The following ANO5 variants were observed in gnomAD, a reference collection of about 807,000 sequenced individuals.
ANO5 encodes anoctamin-5.
A neutral mutation model predicts 121.0 loss-of-function variants in ANO5; 109 were observed. The observed-to-expected ratio is 0.90, with a 90% CI of 0.77 to 1.06. The LOEUF (loss-of-function observed/expected upper bound fraction) is 1.06, where lower values mean the gene tolerates loss of function less well. Ranked by LOEUF, ANO5 falls within the 50% of genes least tolerant of loss-of-function variation. The pLI is 0.00. For synonymous variants in ANO5, 406 were observed against 359.9 expected, an observed-to-expected ratio of 1.13 and a Z score of -1.45; for missense variants, 1,064 against 1,078.5, an observed-to-expected ratio of 0.99 and a Z score of 0.19.
intron 18 of ANO5, among the ~76,000 whole-genome samples, chr11:22,271,057 T>C (rs1854592985): frequency 6.6e-6 from 1 of 151,796 alleles, no homozygotes. Flanking sequence ...CTCGCAGAAT[T>C]AAGGAAACTG....
chr11:22,279,649 C>G lies in ANO5; in HGVS notation c.2626C>G (p.Leu876Val), dbSNP rs1488939653. 6.2e-7 allele frequency: 1 copy of G among 1,612,490 alleles called. No individual in the cohort carries two copies. Among genetic ancestry groups the G allele is most frequent in the Non-Finnish European group, 8.5e-7 (1 of 1,178,942 alleles). Reference protein sequence around the residue: ...KREKLMTIKILHDFELNKLKE... With the variant: ...KREKLMTIKIVHDFELNKLKE... ...AGAAAAGTTAATGACTATCAAGATTCTCCATGATTTTGAGCTCAACAAATT... is the reference window on the plus strand; with the variant it reads ...AGAAAAGTTAATGACTATCAAGATTGTCCATGATTTTGAGCTCAACAAATT... Residue 876 changes from leucine to valine, a missense_variant, in exon 22 of 22, where the codon CTC becomes GTC. Physicochemically the swap from Leu to Val is conservative, Grantham distance 32 (BLOSUM62 1). Coordinates refer to ENST00000324559, the MANE Select transcript of ANO5 (RefSeq NM_213599.3).
chr11:22,259,404 A>G (rs1394821468), intron 14 of ANO5, 115 bp from the exon 15 acceptor site: 5 of 1,117,136 alleles, frequency 4.5e-6, no homozygotes, highest in East Asian at 2.5e-5. Flanking sequence ...TGCTTTGCAC[A>G]TGAGAACTGC....
At chr11:22,215,230 A>G (rs1178444261) in intron 3 of ANO5, among the ~76,000 whole-genome samples, 1 of 151,998 alleles carries the variant, frequency 6.6e-6, no homozygotes. Context: ...CTCAAGGATG[A>G]TATTCCAAAT....
intron 12 of ANO5, among the ~76,000 whole-genome samples, chr11:22,252,198 T>C (rs7935471): frequency 0.13 from 19,067 of 152,054 alleles, 3,424 homozygotes; most frequent in African/African-American, 0.39. Flanking sequence ...AAAGAAAGAA[T>C]AAAGAATCTA....
At chr11:22,264,180 C>T (rs777350456) in intron 17 of ANO5, among the ~76,000 whole-genome samples, 16 of 151,900 alleles carry the variant, frequency 1.1e-4, no homozygotes, top group Non-Finnish European at 1.6e-4. Context: ...TGTGCCACCA[C>T]ACCTAGCTAA....
intron 5 of ANO5, among the ~76,000 whole-genome samples, chr11:22,222,897 T>G (rs1402525078): frequency 6.6e-6 from 1 of 152,032 alleles, no homozygotes; most frequent in African/African-American, 2.4e-5. Flanking sequence ...TGTTTTATAA[T>G]GCTTTTTCTT....
intron 9 of ANO5, among the ~76,000 whole-genome samples, chr11:22,242,521 A>G (rs186323333): frequency 6.6e-6 from 1 of 152,274 alleles, no homozygotes; most frequent in African/African-American, 2.4e-5. Flanking sequence ...CTTCCAATCC[A>G]TGAACAAGGA....
chr11:22,215,137 A>T (rs764918931), intron 3 of ANO5, among the ~76,000 whole-genome samples: 48 of 152,062 alleles, frequency 3.2e-4, no homozygotes, highest in Non-Finnish European at 5.6e-4. Context: ...AAAGAATGGG[A>T]ATTGAAAAGA....
rs1855045798 is a variant in ANO5 at position 22,280,692 on chromosome 11, A to G, written c.*927A>G. ...CATGAAGCCTTTTTGTATAAGTTAG[A>G]TACGAGTTGTTTATGATAAACATTT... On this transcript the variant is annotated 3_prime_UTR_variant, in exon 22 of 22. Coordinates refer to ENST00000324559, the MANE Select transcript of ANO5 (RefSeq NM_213599.3). 1 of 152,006 alleles carries G rather than the reference A, an allele frequency of 6.6e-6. No individual in the cohort carries two copies. Among genetic ancestry groups the G allele is most frequent in the Non-Finnish European group, 1.5e-5 (1 of 67,864 alleles). The allele number at this position is 152,006 out of a possible 1,614,324, so 9.4% of individuals were successfully genotyped here.
At chr11:22,251,469 T>C (rs775257213) in intron 12 of ANO5, among the ~76,000 whole-genome samples, 1 of 152,174 alleles carries the variant, frequency 6.6e-6, no homozygotes, top group Non-Finnish European at 1.5e-5. Context: ...TAAAAATCCT[T>C]CATATAGAAT....
chr11:22,227,997 T>C (rs1171262003), intron 7 of ANO5, among the ~76,000 whole-genome samples: 1 of 152,134 alleles, frequency 6.6e-6, no homozygotes. Context: ...CCTTTATATA[T>C]GGATAAAATT....
chr11:22,202,830 C>A (rs899358647), intron 1 of ANO5, among the ~76,000 whole-genome samples: 2 of 152,166 alleles, frequency 1.3e-5, no homozygotes, highest in African/African-American at 4.8e-5. Flanking sequence ...GTTCCCTCTT[C>A]TTTTCTTAGG....
intron 2 of ANO5, 45 bp from the exon 3 acceptor site, chr11:22,211,219 C>T: frequency 6.3e-7 from 1 of 1,596,744 alleles, no homozygotes. Context: ...TTTGCTCCAC[C>T]TGCACTATTA....
At chr11:22,274,834 A>G in intron 20 of ANO5, 87 bp downstream of exon 20, 1 of 1,492,500 alleles carries the variant, frequency 6.7e-7, no homozygotes, top group Non-Finnish European at 9.1e-7. Context: ...GTCTTACAAT[A>G]TAAAGGATTT....
intron 2 of ANO5, among the ~76,000 whole-genome samples, chr11:22,209,781 A>T (rs1209513628): frequency 6.6e-6 from 1 of 151,942 alleles, no homozygotes; most frequent in Non-Finnish European, 1.5e-5. Flanking sequence ...TTGATTGGAA[A>T]TCAGAGCAAA....
At chr11:22,214,932 C>A (rs140560103) in intron 3 of ANO5, among the ~76,000 whole-genome samples, 1 of 151,894 alleles carries the variant, frequency 6.6e-6, no homozygotes. Flanking sequence ...ATTTAAAATT[C>A]TATTTGAAAC....
chr11:22,263,403 C>T (rs1418929425), intron 17 of ANO5, among the ~76,000 whole-genome samples: 1 of 152,056 alleles, frequency 6.6e-6, no homozygotes, highest in Non-Finnish European at 1.5e-5. Flanking sequence ...ATGCTATATC[C>T]TCTGCAGTTT....
chr11:22,200,975 C>G (rs1280182391), intron 1 of ANO5, among the ~76,000 whole-genome samples: 1 of 152,032 alleles, frequency 6.6e-6, no homozygotes, highest in Non-Finnish European at 1.5e-5. Flanking sequence ...CCACTGGTAC[C>G]AAAATCCAAG....
chr11:22,254,630 T>C (rs1374047892), intron 12 of ANO5, among the ~76,000 whole-genome samples: 2 of 152,158 alleles, frequency 1.3e-5, no homozygotes, highest in African/African-American at 4.8e-5. Context: ...ATCAGTTGTA[T>C]ATCATTTAAG....
Sources: allele counts gnomAD v4.1 joint callset (sites outside exome capture counted in the v4.1 genomes callset), GRCh38; gene constraint gnomAD v4.1.1; transcripts MANE v1.5; gene names NCBI Gene and HGNC (gene_info 2026-07-23, HGNC 2026-07-21).